The following VAT1L variants were observed in gnomAD, a reference collection of about 807,000 sequenced individuals.
VAT1L encodes putative NADPH-dependent quinone oxidoreductase VAT1L.
A neutral mutation model predicts 44.1 loss-of-function variants in VAT1L; 34 were observed. The observed-to-expected ratio is 0.77, with a 90% CI of 0.59 to 1.03. The LOEUF is 1.03. Ranked by LOEUF, VAT1L falls within the 50% of genes least tolerant of loss-of-function variation. The pLI, the probability that VAT1L is intolerant of heterozygous loss-of-function variation, is 0.00. For missense variants in VAT1L, 615 were observed against 538.8 expected (o/e 1.14, Z -1.40); for synonymous variants, 253 against 202.2 (o/e 1.25, Z -2.13).
At chr16:77,934,200 G>A (rs924504673) in intron 7 of VAT1L, among the ~76,000 whole-genome samples, 1 of 152,012 alleles carries the variant, frequency 6.6e-6, no homozygotes, top group Non-Finnish European at 1.5e-5. Context: ...CAGATTTATT[G>A]GCAGATTGGA....
intron 3 of VAT1L, among the ~76,000 whole-genome samples, chr16:77,826,707 G>A (rs971330167): frequency 6.6e-6 from 1 of 152,126 alleles, no homozygotes; most frequent in African/African-American, 2.4e-5. Flanking sequence ...GGGTCTGGGT[G>A]GAACGTTAGT....
At chr16:77,916,142 G>C (rs557552433) in intron 7 of VAT1L, among the ~76,000 whole-genome samples, 4 of 152,306 alleles carry the variant, frequency 2.6e-5, no homozygotes, top group African/African-American at 9.6e-5. Context: ...TAGCACGGTA[G>C]GGTCTGTACG....
chr16:77,892,256 C>A (rs1216018396), intron 7 of VAT1L, among the ~76,000 whole-genome samples: 1 of 152,162 alleles, frequency 6.6e-6, no homozygotes, highest in African/African-American at 2.4e-5. Context: ...AACTAGGAGG[C>A]AAAGACTCAA....
intron 4 of VAT1L, among the ~76,000 whole-genome samples, chr16:77,873,707 A>G (rs2017057399): frequency 6.6e-6 from 1 of 152,198 alleles, no homozygotes; most frequent in Admixed American, 6.5e-5. Context: ...GGAAACTAAA[A>G]TGGAGATCCG....
chr16:77,952,432 G>C (rs557171054), intron 7 of VAT1L, among the ~76,000 whole-genome samples: 1 of 152,006 alleles, frequency 6.6e-6, no homozygotes, highest in Admixed American at 6.6e-5. Context: ...GTTTAAAATT[G>C]TGGGGCCCCT....
intron 7 of VAT1L, among the ~76,000 whole-genome samples, chr16:77,930,540 G>A (rs190680139): frequency 5.9e-5 from 9 of 152,222 alleles, no homozygotes; most frequent in East Asian, 3.9e-4. Context: ...CTCTCAATCC[G>A]GACTCAACGT....
chr16:77,822,410 G>C (rs374761442), intron 2 of VAT1L, among the ~76,000 whole-genome samples: 1 of 152,022 alleles, frequency 6.6e-6, no homozygotes, highest in Admixed American at 6.6e-5. Flanking sequence ...GAGCCACCAC[G>C]CCTGGCCTGG....
chr16:77,964,523 T>C (rs1025399109), intron 7 of VAT1L, among the ~76,000 whole-genome samples: 1 of 152,178 alleles, frequency 6.6e-6, no homozygotes, highest in African/African-American at 2.4e-5. Context: ...AGAATCGTTG[T>C]GGTTCCATGG....
intron 3 of VAT1L, among the ~76,000 whole-genome samples, chr16:77,826,070 A>G (rs1056028434): frequency 5.6e-5 from 8 of 141,796 alleles, no homozygotes; most frequent in Non-Finnish European, 1.1e-4. Flanking sequence ...AGCCGGGCGT[A>G]GTGGCGGGCG....
chr16:77,904,669 C>T (rs62042182), intron 7 of VAT1L, among the ~76,000 whole-genome samples: 33,090 of 152,156 alleles, frequency 0.22, 3,694 homozygotes, highest in South Asian at 0.26. Context: ...TTAGGGAGAA[C>T]AATCGTTCAA....
intron 1 of VAT1L, among the ~76,000 whole-genome samples, chr16:77,796,358 T>C (rs542316499): frequency 6.6e-6 from 1 of 152,184 alleles, no homozygotes; most frequent in Admixed American, 6.5e-5. Flanking sequence ...AAGCCTACTA[T>C]GTACCTCAGC....
chr16:77,907,619 T>C (rs952743986), intron 7 of VAT1L, among the ~76,000 whole-genome samples: 1 of 71,998 alleles, frequency 1.4e-5, no homozygotes, highest in East Asian at 5.5e-4. Context: ...CACAAAGATA[T>C]ATTTTTTTAT....
chr16:77,965,491 A>G (rs989904337), intron 7 of VAT1L, among the ~76,000 whole-genome samples: 14 of 152,194 alleles, frequency 9.2e-5, no homozygotes, highest in African/African-American at 3.4e-4. Flanking sequence ...AGGTGCTTGA[A>G]TGACATGACT....
intron 4 of VAT1L, among the ~76,000 whole-genome samples, chr16:77,872,423 C>G (rs552754525): frequency 6.6e-6 from 1 of 152,254 alleles, no homozygotes; most frequent in South Asian, 2.1e-4. Flanking sequence ...TGGCCAATTT[C>G]TGCTCTGAAA....
At chr16:77,839,596 G>T (rs2016682359) in intron 3 of VAT1L, among the ~76,000 whole-genome samples, 1 of 137,858 alleles carries the variant, frequency 7.3e-6, no homozygotes, top group Non-Finnish European at 1.6e-5. Flanking sequence ...TGAGACCTGG[G>T]CATTTGACAA....
In VAT1L at chr16:77,834,100, C is replaced by T. The variant is rs545818191; in HGVS notation, c.579+8639C>T. 2.6e-5 allele frequency among the ~76,000 whole-genome samples: 4 copies of T among 152,300 alleles called. No homozygotes were observed. In the South Asian group the frequency reaches 8.3e-4, roughly 32 times the overall value. On this transcript the variant is annotated intron_variant, in intron 3 of 8. Transcript: ENST00000302536. ...AATCTGTTCTTGTCACTTCCTGTTG[C>T]GAATCCACAGCGGCTCCCATTGTTC...
At chr16:77,901,439 C>T (rs921706029) in intron 7 of VAT1L, among the ~76,000 whole-genome samples, 7 of 152,094 alleles carry the variant, frequency 4.6e-5, no homozygotes, top group African/African-American at 7.2e-5. Flanking sequence ...GCTGGGATTA[C>T]AGGCGTGAGC....
chr16:77,918,722 C>A (rs2017576847), intron 7 of VAT1L, among the ~76,000 whole-genome samples: 1 of 152,134 alleles, frequency 6.6e-6, no homozygotes, highest in African/African-American at 2.4e-5. Context: ...AATGCATCAG[C>A]CCTCCCAAGC....
At chr16:77,887,392 G>A (rs529586481) in intron 7 of VAT1L, among the ~76,000 whole-genome samples, 9 of 152,114 alleles carry the variant, frequency 5.9e-5, no homozygotes, top group Non-Finnish European at 1.3e-4. Flanking sequence ...CAGGATCCTG[G>A]GCAACTAGGC....
Sources: gnomAD v4.1 joint callset for allele counts (sites outside exome capture counted in the v4.1 genomes callset) on GRCh38, gnomAD v4.1.1 for gene constraint, MANE v1.5 for transcripts, NCBI Gene and HGNC (gene_info 2026-07-23, HGNC 2026-07-21) for gene names.